GMDS: variants seen among roughly 807,000 people sequenced by gnomAD.
The protein encoded by GMDS is GDP-mannose 4,6 dehydratase.
In GMDS, 20 loss-of-function variants were observed where a neutral mutation model predicts 49.9. The ratio of observed to expected loss-of-function variants is 0.40; its 90% CI spans 0.28 to 0.58. The LOEUF (loss-of-function observed/expected upper bound fraction) is 0.58. Ranked by LOEUF, GMDS falls within the 20% of genes least tolerant of loss-of-function variation. The probability of loss-of-function intolerance (pLI) is 0.42; values close to 1 mark genes in which losing one functional copy is unlikely to be tolerated. For missense variants in GMDS, 362 were observed against 481.4 expected (o/e 0.75, Z 2.32); for synonymous variants, 177 against 178.6 (o/e 0.99, Z 0.07).
intron 7 of GMDS, among the ~76,000 whole-genome samples, chr6:1,811,654 C>T (rs566457871): frequency 3.5e-5 from 5 of 144,534 alleles, no homozygotes; most frequent in East Asian, 2.2e-4. Context: ...GCATTTGAAA[C>T]ATCTACAGGC....
chr6:2,214,878 C>T (rs1275236785), intron 1 of GMDS, among the ~76,000 whole-genome samples: 1 of 152,132 alleles, frequency 6.6e-6, no homozygotes, highest in Non-Finnish European at 1.5e-5. Flanking sequence ...ATTAGATTAT[C>T]ACAACTTTGC....
intron 4 of GMDS, among the ~76,000 whole-genome samples, chr6:2,027,905 T>C (rs969225590): frequency 6.6e-6 from 1 of 152,152 alleles, no homozygotes; most frequent in Non-Finnish European, 1.5e-5. Context: ...ATATATAAAC[T>C]CATTGCCACT....
At chr6:1,915,082 T>C (rs572247457) in intron 7 of GMDS, among the ~76,000 whole-genome samples, 1 of 152,308 alleles carries the variant, frequency 6.6e-6, no homozygotes, top group East Asian at 1.9e-4. Flanking sequence ...CCCTTAGACC[T>C]CGAACCATCC....
At chr6:2,232,142 G>A (rs12175387) in intron 1 of GMDS, among the ~76,000 whole-genome samples, 8,430 of 131,212 alleles carry the variant, frequency 0.064, 361 homozygotes, top group East Asian at 0.24. Context: ...CTTACATTTT[G>A]GTGTGTAAAA....
intron 1 of GMDS, among the ~76,000 whole-genome samples, chr6:2,137,872 T>A (rs1776089270): frequency 6.6e-6 from 1 of 152,196 alleles, no homozygotes; most frequent in South Asian, 2.1e-4. Flanking sequence ...CTGGATAATT[T>A]TAACTACTAG....
intron 1 of GMDS, among the ~76,000 whole-genome samples, chr6:2,144,369 T>A (rs545127571): frequency 2.9e-4 from 44 of 152,300 alleles, no homozygotes; most frequent in African/African-American, 1.1e-3. Flanking sequence ...CGCCTCAGGC[T>A]GGTGAGAGGC....
intron 2 of GMDS, among the ~76,000 whole-genome samples, chr6:2,124,397 C>G (rs1247428218): frequency 6.6e-6 from 1 of 152,198 alleles, no homozygotes; most frequent in African/African-American, 2.4e-5. Context: ...TAACCCGAAT[C>G]ATGTTACAGC....
At chr6:1,776,953 A>G (rs1224019146) in intron 7 of GMDS, among the ~76,000 whole-genome samples, 1 of 152,216 alleles carries the variant, frequency 6.6e-6, no homozygotes, top group African/African-American at 2.4e-5. Flanking sequence ...GGAAGCAACA[A>G]CAAGAGCATC....
chr6:1,742,583 T>G lies in GMDS; in HGVS notation c.775A>C (p.Met259Leu). Residue 259 changes from methionine (M) to leucine (L), a missense_variant, in exon 8 of 11, where the codon ATG (methionine) becomes CTG (leucine). Transcript: ENST00000380815. ...TCATCATTCTGCAACATCAACCACATAGCCTAGAGGGAAAGAGAGGCAAGT... is the reference window on the plus strand; with the variant it reads ...TCATCATTCTGCAACATCAACCACAGAGCCTAGAGGGAAAGAGAGGCAAGT... Reference protein sequence around the residue: ...WGHAKDYVEAMWLMLQNDEPE... With the variant: ...WGHAKDYVEALWLMLQNDEPE... 1 of 1,563,852 alleles carries G rather than the reference T, an allele frequency of 6.4e-7. No homozygotes were observed. Among genetic ancestry groups the G allele is most frequent in the Non-Finnish European group, 8.8e-7 (1 of 1,134,862 alleles).
intron 9 of GMDS, among the ~76,000 whole-genome samples, chr6:1,632,323 G>A (rs1046545930): frequency 1.3e-5 from 2 of 152,194 alleles, no homozygotes; most frequent in Non-Finnish European, 1.5e-5. Flanking sequence ...GATGGAAACT[G>A]ACACAGAAGA....
intron 4 of GMDS, among the ~76,000 whole-genome samples, chr6:1,974,227 A>G (rs997428541): frequency 6.6e-6 from 1 of 152,144 alleles, no homozygotes; most frequent in African/African-American, 2.4e-5. Context: ...AGATACCTAC[A>G]TGTTTCACTA....
rs182152239 is a variant in GMDS at position 2,179,809 on chromosome 6, T to C, written c.103-55078A>G. Among the ~76,000 whole-genome samples the C allele has an allele frequency of 1.4e-3, 207 of 152,186 alleles. 2 individuals are homozygous for C. Among genetic ancestry groups the C allele is most frequent in the Admixed American group, 0.013 (203 of 15,274 alleles). ...ACCCATCTATCTATCTACCCATCTATCAGACATTTAGAAGAAGCCCTGAAG... is the reference window on the plus strand; with the variant it reads ...ACCCATCTATCTATCTACCCATCTACCAGACATTTAGAAGAAGCCCTGAAG... On this transcript the variant is annotated intron_variant, in intron 1 of 10. Transcript: ENST00000380815.
At chr6:2,019,226 T>C (rs575114207) in intron 4 of GMDS, among the ~76,000 whole-genome samples, 12 of 151,614 alleles carry the variant, frequency 7.9e-5, no homozygotes, top group Non-Finnish European at 1.0e-4. Context: ...CTATATACAA[T>C]ATAAGATGAT....
At chr6:1,656,072 C>T (rs998978647) in intron 9 of GMDS, among the ~76,000 whole-genome samples, 3 of 152,330 alleles carry the variant, frequency 2.0e-5, no homozygotes, top group South Asian at 2.1e-4. Context: ...CCCAGAACAC[C>T]TGTCTCCATG....
At chr6:1,886,362 T>C (rs570379521) in intron 7 of GMDS, among the ~76,000 whole-genome samples, 26 of 152,150 alleles carry the variant, frequency 1.7e-4, no homozygotes, top group Non-Finnish European at 3.1e-4. Flanking sequence ...AATCAAAAAA[T>C]GTCACATATC....
intron 1 of GMDS, among the ~76,000 whole-genome samples, chr6:2,125,181 T>C (rs1775350829): frequency 6.6e-6 from 1 of 152,210 alleles, no homozygotes; most frequent in Non-Finnish European, 1.5e-5. Context: ...CTCACACCTA[T>C]AATCCTGGTA....
intron 7 of GMDS, among the ~76,000 whole-genome samples, chr6:1,895,520 G>T (rs9503038): frequency 2.0e-5 from 3 of 152,198 alleles, no homozygotes; most frequent in East Asian, 3.9e-4. Context: ...CATGTGCATA[G>T]GCCACACTCA....
intron 6 of GMDS, among the ~76,000 whole-genome samples, chr6:1,948,653 CTG>C (rs1382874363): frequency 2.6e-5 from 4 of 151,996 alleles, no homozygotes; most frequent in African/African-American, 9.7e-5. Context: ...CACAGTGAGG[CTG>C]TGTCTCTATT....
intron 1 of GMDS, among the ~76,000 whole-genome samples, chr6:2,178,979 A>G (rs1384722463): frequency 6.6e-6 from 1 of 152,208 alleles, no homozygotes; most frequent in African/African-American, 2.4e-5. Flanking sequence ...CTTCCATTGA[A>G]TAACTTTGTG....
Sources: allele counts gnomAD v4.1 joint callset (sites outside exome capture counted in the v4.1 genomes callset), GRCh38; gene constraint gnomAD v4.1.1; transcripts MANE v1.5; gene names NCBI Gene and HGNC (gene_info 2026-07-23, HGNC 2026-07-21).